Variants in ADGRL3 observed in about 807,000 individuals in gnomAD.
The protein encoded by ADGRL3 is adhesion G protein-coupled receptor L3.
Under a neutral mutation model 153.5 loss-of-function variants are expected in ADGRL3, and 62 were observed. The observed-to-expected ratio is 0.40, with a 90% CI of 0.33 to 0.50. The LOEUF (loss-of-function observed/expected upper bound fraction) is 0.50, where lower values mean the gene tolerates loss of function less well. Among genes scored for constraint, ADGRL3 ranks in the 20% least tolerant of loss-of-function variants. ADGRL3 has a pLI of 0.47. For synonymous variants in ADGRL3, 710 were observed against 672.5 expected (o/e 1.06, Z -0.86); for missense variants, 1,641 against 1,859.4 (o/e 0.88, Z 2.16).
chr4:61,360,180 T>C (rs2096262233), intron 1 of ADGRL3, among the ~76,000 whole-genome samples: 1 of 152,172 alleles, frequency 6.6e-6, no homozygotes, highest in African/African-American at 2.4e-5. Context: ...AAGATAATAA[T>C]CTATGCTTGA....
intron 8 of ADGRL3, among the ~76,000 whole-genome samples, chr4:61,798,598 G>GTTTATTTATTTA (rs10548703): frequency 3.3e-5 from 5 of 150,396 alleles, no homozygotes; most frequent in African/African-American, 7.4e-5. Flanking sequence ...TTATTTGTTT[G>GTTTATTTATTTA]TTTATTTATT....
At chr4:61,995,843 A>G (rs1254935834) in intron 19 of ADGRL3, among the ~76,000 whole-genome samples, 1 of 152,104 alleles carries the variant, frequency 6.6e-6, no homozygotes, top group Admixed American at 6.5e-5. Flanking sequence ...CTGATACCAA[A>G]TTTATTTCTT....
intron 17 of ADGRL3, among the ~76,000 whole-genome samples, chr4:61,968,110 C>T (rs886425512): frequency 6.6e-6 from 1 of 152,202 alleles, no homozygotes; most frequent in African/African-American, 2.4e-5. Flanking sequence ...AACACAGTTG[C>T]ATTGAGGATT....
At chr4:61,836,652 C>T (rs991836578) in intron 9 of ADGRL3, among the ~76,000 whole-genome samples, 5 of 151,960 alleles carry the variant, frequency 3.3e-5, no homozygotes, top group African/African-American at 1.2e-4. Flanking sequence ...TGAATAACAA[C>T]GTTATTCATG....
intron 1 of ADGRL3, among the ~76,000 whole-genome samples, chr4:61,324,334 G>A (rs553645587): frequency 5.9e-5 from 9 of 151,956 alleles, no homozygotes; most frequent in South Asian, 4.2e-4. Context: ...TTTGAGAAAC[G>A]TATACCTGGA....
intron 1 of ADGRL3, among the ~76,000 whole-genome samples, chr4:61,323,125 G>A (rs13111886): frequency 0.07 from 10,638 of 152,276 alleles, 462 homozygotes; most frequent in South Asian, 0.12. Flanking sequence ...ACCCTCTGCA[G>A]CCACAGCCTA....
chr4:62,037,707 A>G (rs767315428), intron 23 of ADGRL3, 24 bp from the exon 24 acceptor site: 3 of 1,613,270 alleles, frequency 1.9e-6, no homozygotes, highest in Non-Finnish European at 2.5e-6. Flanking sequence ...ACTTGCTAAC[A>G]GAAGTTAATA....
At chr4:61,488,694 G>C (rs747504547) in intron 2 of ADGRL3, among the ~76,000 whole-genome samples, 1 of 151,886 alleles carries the variant, frequency 6.6e-6, no homozygotes, top group Non-Finnish European at 1.5e-5. Context: ...ACATTACAGT[G>C]ATATTTCTAC....
intron 8 of ADGRL3, among the ~76,000 whole-genome samples, chr4:61,741,395 T>C (rs899925941): frequency 3.3e-5 from 5 of 152,246 alleles, no homozygotes; most frequent in Admixed American, 3.3e-4. Flanking sequence ...AGCAACTTGT[T>C]GCTAATTTCA....
At chr4:61,219,836 A>C (rs1055385148) in intron 1 of ADGRL3, among the ~76,000 whole-genome samples, 1 of 152,114 alleles carries the variant, frequency 6.6e-6, no homozygotes, top group Non-Finnish European at 1.5e-5. Flanking sequence ...TGCCAGGTGC[A>C]GTGGCTCACG....
intron 6 of ADGRL3, among the ~76,000 whole-genome samples, chr4:61,714,221 G>GCACGCACACACACACACACA: frequency 6.6e-6 from 1 of 150,850 alleles, no homozygotes; most frequent in South Asian, 2.1e-4. Flanking sequence ...TGTAAAATAC[G>GCACGCACACACACACACACA]CACACACACA....
chr4:61,650,385 A>C (rs1264734949), intron 5 of ADGRL3, among the ~76,000 whole-genome samples: 41 of 152,316 alleles, frequency 2.7e-4, no homozygotes, highest in Non-Finnish European at 1.5e-5. Flanking sequence ...GAGTAAAAGC[A>C]TGTTACAATG....
At chr4:61,994,851 A>T (rs1308458666) in intron 19 of ADGRL3, among the ~76,000 whole-genome samples, 1 of 151,504 alleles carries the variant, frequency 6.6e-6, no homozygotes, top group East Asian at 1.9e-4. Flanking sequence ...TATACACACT[A>T]TATTATATAT....
chr4:61,960,770 G>C (rs1414932062), intron 17 of ADGRL3, among the ~76,000 whole-genome samples: 1 of 152,048 alleles, frequency 6.6e-6, no homozygotes. Flanking sequence ...GAATGCAGTG[G>C]CACAATCTCG....
At position 61,909,761 on chromosome 4, in the gene ADGRL3, A is replaced by ATGTGTGTG. The variant is rs58884223; in HGVS notation, c.2073+50_2073+57dup. ...TTTGAACAAGGTAAGGACCCTAATT[A>ATGTGTGTG]TGTGTGTGTGTGTGTGTGTGTGTGT... On this transcript the variant is annotated intron_variant, in intron 12 of 26. Coordinates refer to ENST00000683033, the MANE Select transcript of ADGRL3 (RefSeq NM_001387552.1). The ATGTGTGTG allele has an allele frequency of 0.022, 25,821 of 1,186,414 alleles. 317 individuals carry two copies. The highest frequency in any genetic ancestry group is 0.04 in the African/African-American group (2,472 of 62,216). 73.5% of individuals were successfully genotyped at this position (1,186,414 alleles called of 1,614,324 possible). A position where few individuals can be genotyped will look rare whatever the true frequency, so the allele number is the denominator to read the frequency against.
At chr4:61,356,727 T>C (rs1296669846) in intron 1 of ADGRL3, among the ~76,000 whole-genome samples, 4 of 152,130 alleles carry the variant, frequency 2.6e-5, no homozygotes. Flanking sequence ...TTACTTATCA[T>C]AAACAAAATG....
chr4:61,767,151 T>C (rs190487924), intron 8 of ADGRL3, among the ~76,000 whole-genome samples: 1 of 151,252 alleles, frequency 6.6e-6, no homozygotes, highest in Non-Finnish European at 1.5e-5. Context: ...GGGTTAAGGT[T>C]GGGGGATACA....
rs531353290 is a variant in ADGRL3 at position 61,773,575 on chromosome 4, C to A, written c.1399+40021C>A. ...GTGGCCTATAAGAATAACTGCCATG[C>A]GTTGCAGGTACTGTGCTTATTAAAC... is the stretch of plus-strand genomic sequence containing the variant. On this transcript the variant is annotated intron_variant, in intron 8 of 26. Transcript: ENST00000683033. Among the ~76,000 whole-genome samples, 7 of 152,182 alleles carry A rather than the reference C, an allele frequency of 4.6e-5. No individual in the cohort carries two copies. In the South Asian group the frequency reaches 1.2e-3, roughly 27 times the overall value.
intron 6 of ADGRL3, among the ~76,000 whole-genome samples, chr4:61,716,469 A>G (rs1242725371): frequency 1.3e-5 from 2 of 152,176 alleles, no homozygotes; most frequent in Admixed American, 6.6e-5. Context: ...AACATCAGTA[A>G]ACTGGACAGA....
Sources: gnomAD v4.1 joint callset for allele counts (sites outside exome capture counted in the v4.1 genomes callset) on GRCh38, gnomAD v4.1.1 for gene constraint, MANE v1.5 for transcripts, NCBI Gene and HGNC (gene_info 2026-07-23, HGNC 2026-07-21) for gene names.